MXI1: variants seen among roughly 807,000 people sequenced by gnomAD.
The protein encoded by MXI1 is MAX interactor 1, dimerization protein, also known as max-interacting protein 1.
A neutral mutation model predicts 36.9 loss-of-function variants in MXI1; 18 were observed. That is an observed-to-expected ratio of 0.49 (90% CI 0.34 to 0.72). The LOEUF is 0.72. MXI1 is among the 30% of genes least tolerant of loss of function. The pLI is 0.01. For synonymous variants in MXI1, 160 were observed against 146.7 expected (o/e 1.09, Z -0.65); for missense variants, 304 against 379.1 (o/e 0.80, Z 1.64).
chr10:110,226,387 G>A, intron 1 of MXI1: 7 of 1,255,714 alleles, frequency 5.6e-6, no homozygotes, highest in Non-Finnish European at 6.1e-6. Context: ...CGCGCATGAG[G>A]TGAGGTGTGC....
chr10:110,243,644 TTGTTAA>T (rs1318179188), intron 2 of MXI1, among the ~76,000 whole-genome samples: 3 of 152,160 alleles, frequency 2.0e-5, no homozygotes, highest in East Asian at 3.8e-4. Context: ...ATTCCTGTTG[TTGTTAA>T]TGTTAAGTTA....
chr10:110,279,544 A>C lies in MXI1; in HGVS notation c.552+250A>C, dbSNP rs527454746. Among the ~76,000 whole-genome samples, 4 of 151,428 alleles carry C rather than the reference A, an allele frequency of 2.6e-5. No individual in the cohort carries two copies. The East Asian group carries it at 7.7e-4, about 29-fold the overall frequency. On this transcript the variant is annotated intron_variant, in intron 4 of 5. Coordinates refer to ENST00000332674, the MANE Select transcript of MXI1 (RefSeq NM_130439.3). The stretch of plus-strand genomic sequence containing the variant: ...GGAAAATAACAATTACCCTCTTCAT[A>C]CTCGGAAGGCAGTTGTGCCCTCTGG...
chr10:110,213,615 G>C (rs1233111817), intron 1 of MXI1, among the ~76,000 whole-genome samples: 1 of 152,228 alleles, frequency 6.6e-6, no homozygotes, highest in Non-Finnish European at 1.5e-5. Context: ...CAAGGACTGT[G>C]TGTCCTGGAA....
At position 110,285,276 on chromosome 10, in the gene MXI1, TTGAGA is replaced by T; in HGVS notation, c.*290_*294del. 1 of 254,930 alleles carries T rather than the reference TTGAGA, an allele frequency of 3.9e-6. No homozygotes were observed. The highest frequency in any genetic ancestry group is 7.4e-6 in the Non-Finnish European group (1 of 135,222). 15.8% of individuals were successfully genotyped at this position (254,930 alleles called of 1,614,324 possible). A position where few individuals can be genotyped will look rare whatever the true frequency, so the allele number is the denominator to read the frequency against. The stretch of plus-strand genomic sequence containing the variant: ...GTGAAATTTTCTTGATTTGAGTTGA[TTGAGA>T]AGAGGACATTGGAGATGCCATCCTC... On this transcript the variant is annotated 3_prime_UTR_variant, in exon 6 of 6. Coordinates refer to ENST00000332674, the MANE Select transcript of MXI1 (RefSeq NM_130439.3).
chr10:110,261,868 A>G (rs572858200), intron 3 of MXI1, among the ~76,000 whole-genome samples: 1 of 152,220 alleles, frequency 6.6e-6, no homozygotes, highest in Admixed American at 6.5e-5. Flanking sequence ...AAGAATAACA[A>G]AAGTGTTTAT....
chr10:110,236,588 G>A (rs1590354440), intron 2 of MXI1, among the ~76,000 whole-genome samples: 1 of 152,180 alleles, frequency 6.6e-6, no homozygotes, highest in East Asian at 1.9e-4. Context: ...TCCTGAGTGA[G>A]GAGCTGGGAC....
rs887368270 is a variant in MXI1, at chr10:110,216,430, T to C, written c.274+8348T>C. 5.3e-5 allele frequency among the ~76,000 whole-genome samples: 8 copies of C among 152,262 alleles called. 1 individual carries two copies. The highest frequency in any genetic ancestry group is 4.6e-4 in the Admixed American group (7 of 15,302). ...GAGTCCTTGCCCTCATGGAGTGTATTATTCCAGTGCCAGGTTTTAGAGGTA... is the reference window on the plus strand; with the variant it reads ...GAGTCCTTGCCCTCATGGAGTGTATCATTCCAGTGCCAGGTTTTAGAGGTA... On this transcript the variant is annotated intron_variant, in intron 1 of 5. Transcript: ENST00000332674.
chr10:110,246,593 A>G (rs1855871800), intron 3 of MXI1, among the ~76,000 whole-genome samples: 1 of 152,146 alleles, frequency 6.6e-6, no homozygotes, highest in Non-Finnish European at 1.5e-5. Context: ...AATAGGTAGC[A>G]TTGTAATTAT....
intron 1 of MXI1, 26 bp from the exon 2 acceptor site, chr10:110,228,163 G>A (rs530632608): frequency 3.1e-6 from 5 of 1,612,448 alleles, no homozygotes; most frequent in African/African-American, 2.7e-5. Context: ...TCTTCTTACC[G>A]TATCTTTTTT....
rs1857403249 is a variant in MXI1, at chr10:110,285,335, A to AT, written c.*350dup. On this transcript the variant is annotated 3_prime_UTR_variant, in exon 6 of 6. Transcript: ENST00000332674. ...CTCTTTTCTAGTTTGCTCATACTAC[A>AT]TTGAGTAGACACATTTAAGGATGGG... 5.6e-6 allele frequency: 1 copy of AT among 178,536 alleles called. No homozygotes were observed. Among genetic ancestry groups the AT allele is most frequent in the African/African-American group, 2.4e-5 (1 of 42,210 alleles). 11.1% of individuals were successfully genotyped at this position (178,536 alleles called of 1,614,324 possible). A position where few individuals can be genotyped will look rare whatever the true frequency, so the allele number is the denominator to read the frequency against.
At chr10:110,212,986 A>T (rs1217548868) in intron 1 of MXI1, among the ~76,000 whole-genome samples, 2 of 152,224 alleles carry the variant, frequency 1.3e-5, no homozygotes, top group African/African-American at 4.8e-5. Flanking sequence ...GTAGATCCTT[A>T]ATATAAATGT....
Position 110,279,756 on chromosome 10 carries a change from A to C in MXI1, c.553-158A>C, listed in dbSNP as rs527629752. 1.3e-5 allele frequency among the ~76,000 whole-genome samples: 2 copies of C among 152,234 alleles called. 1 individual carries two copies. Among genetic ancestry groups the C allele is most frequent in the Non-Finnish European group, 2.9e-5 (2 of 68,038 alleles). ...TTTTTATTTTTAAAAATATGTATTT[A>C]TATGCATTCTCATTTTGGAGGCTTT... On this transcript the variant is annotated intron_variant, in intron 4 of 5. Transcript: ENST00000332674.
At chr10:110,262,225 A>G (rs1041394508) in intron 3 of MXI1, among the ~76,000 whole-genome samples, 4 of 152,120 alleles carry the variant, frequency 2.6e-5, no homozygotes, top group Admixed American at 2.6e-4. Flanking sequence ...CTTATTCCCT[A>G]AACAATACAA....
Position 110,208,029 on chromosome 10 carries a change from A to G in MXI1, c.221A>G (p.Gln74Arg), listed in dbSNP as rs1269257450. 4 of 1,604,062 alleles carry G rather than the reference A, an allele frequency of 2.5e-6. No homozygotes were observed. Among genetic ancestry groups the G allele is most frequent in the African/African-American group, 2.7e-5 (2 of 74,228 alleles). The change falls in exon 1 of 6, where the codon CAG (glutamine) becomes CGG (arginine). Residue 74 changes from glutamine to arginine, a missense_variant. By Grantham distance (43) the Gln-to-Arg change is conservative. Transcript: ENST00000332674. ...KHINTFLQNVQILLEAASYLE... is the reference protein window; with the variant it reads ...KHINTFLQNVRILLEAASYLE... ...ATCAACACTTTTCTGCAGAACGTGC[A>G]GATTCTGCTCGAGGCCGCCAGCTAC...
intron 1 of MXI1, among the ~76,000 whole-genome samples, chr10:110,223,167 T>C (rs1230274643): frequency 6.6e-6 from 1 of 152,246 alleles, no homozygotes; most frequent in East Asian, 1.9e-4. Flanking sequence ...GCCCCAGGCC[T>C]CTTGCATGTA....
At chr10:110,252,949 C>T (rs1283717223) in intron 3 of MXI1, among the ~76,000 whole-genome samples, 8 of 151,950 alleles carry the variant, frequency 5.3e-5, no homozygotes, top group South Asian at 4.2e-4. Context: ...TTTACCATGC[C>T]GGAGTTTATC....
At position 110,285,518 on chromosome 10, in the gene MXI1, C is replaced by T. The variant is rs1857407360; in HGVS notation, c.*531C>T. On this transcript the variant is annotated 3_prime_UTR_variant, in exon 6 of 6. Coordinates refer to ENST00000332674, the MANE Select transcript of MXI1 (RefSeq NM_130439.3). ...TCATGAAGCCTGTGGATGATCAATC[C>T]TTTATTATTATTTTTTTTTTTTGAA... The T allele has an allele frequency of 7.3e-6, 1 of 137,222 alleles. No individual in the cohort carries two copies. The allele number at this position is 137,222 out of a possible 1,614,324, so 8.5% of individuals were successfully genotyped here. A position where few individuals can be genotyped will look rare whatever the true frequency, so the allele number is the denominator to read the frequency against.
At chr10:110,219,743 G>T (rs1854749224) in intron 1 of MXI1, among the ~76,000 whole-genome samples, 1 of 152,238 alleles carries the variant, frequency 6.6e-6, no homozygotes, top group African/African-American at 2.4e-5. Context: ...ATAGAGGACA[G>T]GGACCATAAG....
rs908450578 is a variant in MXI1, at chr10:110,273,433, C to T, written c.438-5747C>T. Among the ~76,000 whole-genome samples the T allele has an allele frequency of 1.3e-5, 2 of 152,106 alleles. 1 individual carries two copies. The highest frequency in any genetic ancestry group is 4.1e-4 in the South Asian group (2 of 4,826). ...GTTTTAGTAAATAAAACTCATGAAC[C>T]ACAATATGCTTTTGATATATCAGGA... On this transcript the variant is annotated intron_variant, in intron 3 of 5. Coordinates refer to ENST00000332674, the MANE Select transcript of MXI1 (RefSeq NM_130439.3).
Sources: gnomAD v4.1 joint callset for allele counts (sites outside exome capture counted in the v4.1 genomes callset) on GRCh38, gnomAD v4.1.1 for gene constraint, MANE v1.5 for transcripts, NCBI Gene and HGNC (gene_info 2026-07-23, HGNC 2026-07-21) for gene names.